The following PPM1H variants were observed in gnomAD, a reference collection of about 807,000 sequenced individuals.
The protein encoded by PPM1H is protein phosphatase 1H.
A neutral mutation model predicts 54.9 loss-of-function variants in PPM1H; 27 were observed. The observed-to-expected ratio is 0.49, with a 90% CI of 0.36 to 0.68. The LOEUF (loss-of-function observed/expected upper bound fraction) is 0.68, where lower values mean the gene tolerates loss of function less well. Ranked by LOEUF, PPM1H falls within the 30% of genes least tolerant of loss-of-function variation. The probability of loss-of-function intolerance (pLI) is 0.00; values close to 1 mark genes in which losing one functional copy is unlikely to be tolerated. For missense variants in PPM1H, 596 were observed against 667.8 expected (o/e 0.89, Z 1.19); for synonymous variants, 305 against 270.8 (o/e 1.13, Z -1.24).
intron 1 of PPM1H, among the ~76,000 whole-genome samples, chr12:62,912,179 T>A (rs2121141426): frequency 6.6e-6 from 1 of 152,338 alleles, no homozygotes; most frequent in Non-Finnish European, 1.5e-5. Context: ...AGTGAAAAAC[T>A]ACTTATGAAG....
At chr12:62,880,011 T>C (rs1344323178) in intron 1 of PPM1H, among the ~76,000 whole-genome samples, 1 of 152,140 alleles carries the variant, frequency 6.6e-6, no homozygotes, top group African/African-American at 2.4e-5. Context: ...AATTATATTA[T>C]TGAAGATCTT....
At chr12:62,741,181 A>G (rs2076379319) in intron 4 of PPM1H, among the ~76,000 whole-genome samples, 1 of 152,044 alleles carries the variant, frequency 6.6e-6, no homozygotes, top group Non-Finnish European at 1.5e-5. Flanking sequence ...CAGCCATTCT[A>G]GACTCCTCCC....
intron 7 of PPM1H, among the ~76,000 whole-genome samples, chr12:62,693,693 G>A (rs761677592): frequency 5.3e-5 from 8 of 152,164 alleles, no homozygotes; most frequent in Non-Finnish European, 8.8e-5. Flanking sequence ...ATTGGGAAGG[G>A]GGACTTTATT....
intron 1 of PPM1H, among the ~76,000 whole-genome samples, chr12:62,839,285 G>A (rs1868630050): frequency 6.6e-6 from 1 of 152,100 alleles, no homozygotes; most frequent in South Asian, 2.1e-4. Flanking sequence ...AGTGACCAAC[G>A]AGGTGTTGCA....
chr12:62,802,043 T>A lies in PPM1H; in HGVS notation c.529A>T (p.Ile177Phe). The A allele has an allele frequency of 1.9e-6, 3 of 1,613,400 alleles. No homozygotes were observed. Among genetic ancestry groups the A allele is most frequent in the South Asian group, 2.2e-5 (2 of 91,066 alleles). ...QHHITEQLQDIVDILKNSAVL... is the reference protein window; with the variant it reads ...QHHITEQLQDFVDILKNSAVL... Reference sequence around the variant, plus strand: ...GCGGAGTTCTTCAGGATGTCCACGATGTCCTGCAGCTGCTCCGTGATGTGG... The same window carrying A: ...GCGGAGTTCTTCAGGATGTCCACGAAGTCCTGCAGCTGCTCCGTGATGTGG... Residue 177 changes from isoleucine to phenylalanine, a missense_variant, in exon 3 of 10, where the codon ATC (isoleucine) becomes TTC (phenylalanine). Coordinates refer to ENST00000228705, the MANE Select transcript of PPM1H (RefSeq NM_020700.2).
intron 1 of PPM1H, among the ~76,000 whole-genome samples, chr12:62,904,517 A>G (rs1178663531): frequency 1.3e-5 from 2 of 152,324 alleles, no homozygotes; most frequent in South Asian, 2.1e-4. Context: ...TTTTCTTACA[A>G]TGCTGCACCC....
chr12:62,688,152 C>G (rs117206112), intron 8 of PPM1H, among the ~76,000 whole-genome samples: 1,568 of 152,268 alleles, frequency 0.01, 94 homozygotes, highest in Admixed American at 0.079. Flanking sequence ...TCCCTTGCAG[C>G]TAGAAGGTCA....
chr12:62,702,630 G>T (rs1294890389), intron 6 of PPM1H, among the ~76,000 whole-genome samples: 2 of 151,384 alleles, frequency 1.3e-5, no homozygotes, highest in Non-Finnish European at 2.9e-5. Context: ...AGACTTCAAA[G>T]TCATTTAAGA....
intron 9 of PPM1H, among the ~76,000 whole-genome samples, chr12:62,656,566 C>A (rs1293351585): frequency 6.6e-6 from 1 of 152,138 alleles, no homozygotes; most frequent in Non-Finnish European, 1.5e-5. Flanking sequence ...TCTTAAAGTT[C>A]TTAATAGTTC....
intron 6 of PPM1H, among the ~76,000 whole-genome samples, chr12:62,699,015 C>G (rs342176): frequency 0.062 from 9,471 of 152,176 alleles, 1,015 homozygotes; most frequent in African/African-American, 0.22. Flanking sequence ...TCTTCATCCA[C>G]ATCACTGAAA....
chr12:62,913,923 C>T (rs1463053159), intron 1 of PPM1H, among the ~76,000 whole-genome samples: 4 of 152,140 alleles, frequency 2.6e-5, no homozygotes, highest in African/African-American at 9.7e-5. Context: ...TGGTCTCGAA[C>T]TTCTGACCTC....
rs1868861317 is a variant in PPM1H at position 62,844,072 on chromosome 12, C to T, written c.246-11793G>A. 6.6e-6 allele frequency among the ~76,000 whole-genome samples: 1 copy of T among 152,136 alleles called. No homozygotes were observed. The highest frequency in any genetic ancestry group is 2.4e-5 in the African/African-American group (1 of 41,416). ...GCTAGAAAGTACAATAAGACTTTGC[C>T]TTTGTCAACCTTAAATAACGAGATT... On this transcript the variant is annotated intron_variant, in intron 1 of 9. Transcript: ENST00000228705. This position sits in a 1 kb window ranked among gnomAD's most constrained non-coding sequence, Gnocchi z 5.2.
At chr12:62,780,843 T>C (rs929742091) in intron 4 of PPM1H, among the ~76,000 whole-genome samples, 12 of 152,226 alleles carry the variant, frequency 7.9e-5, no homozygotes, top group African/African-American at 2.9e-4. Context: ...AGTTTCCTCC[T>C]GGCACTGATC....
chr12:62,815,361 G>A (rs1038584634), intron 2 of PPM1H, among the ~76,000 whole-genome samples: 2 of 152,144 alleles, frequency 1.3e-5, no homozygotes, highest in Admixed American at 1.3e-4. Context: ...TGCAGGATAG[G>A]TTTAGTAAGT....
intron 9 of PPM1H, among the ~76,000 whole-genome samples, chr12:62,666,241 C>A (rs543541139): frequency 1.9e-4 from 29 of 152,156 alleles, no homozygotes; most frequent in African/African-American, 6.3e-4. Flanking sequence ...CTATGCCCAG[C>A]TAAAAATATT....
intron 1 of PPM1H, among the ~76,000 whole-genome samples, chr12:62,926,533 G>A (rs1017509853): frequency 6.6e-6 from 1 of 152,072 alleles, no homozygotes; most frequent in Non-Finnish European, 1.5e-5. Flanking sequence ...GTTAAAAAAT[G>A]AACATGTTAG....
intron 3 of PPM1H, among the ~76,000 whole-genome samples, chr12:62,791,972 C>T (rs1279448147): frequency 1.3e-5 from 2 of 152,288 alleles, no homozygotes; most frequent in Admixed American, 6.5e-5. Context: ...TGTCTATAGA[C>T]TAGAATGTGA....
chr12:62,931,527 A>G (rs1872131201), intron 1 of PPM1H, among the ~76,000 whole-genome samples: 2 of 152,304 alleles, frequency 1.3e-5, no homozygotes, highest in South Asian at 4.1e-4. Flanking sequence ...ACAGTATATT[A>G]TCTGACAGGG....
chr12:62,723,267 C>T (rs1281093040), intron 5 of PPM1H, among the ~76,000 whole-genome samples: 2 of 151,346 alleles, frequency 1.3e-5, no homozygotes, highest in Admixed American at 1.3e-4. Flanking sequence ...ATGATTTCTA[C>T]CAAATGCATA....
Sources: allele counts gnomAD v4.1 joint callset (sites outside exome capture counted in the v4.1 genomes callset), GRCh38; gene constraint gnomAD v4.1.1; non-coding constraint Gnocchi (gnomAD v3.1); transcripts MANE v1.5; gene names NCBI Gene and HGNC (gene_info 2026-07-23, HGNC 2026-07-21).